The following DAB1 variants were observed in gnomAD, a reference collection of about 807,000 sequenced individuals.
The protein encoded by DAB1 is disabled homolog 1.
Under a neutral mutation model 64.6 loss-of-function variants are expected in DAB1, and 15 were observed. That is an observed-to-expected ratio of 0.23 (90% CI 0.16 to 0.36). The LOEUF is 0.36. Ranked by LOEUF, DAB1 falls within the 10% of genes least tolerant of loss-of-function variation. The probability of loss-of-function intolerance (pLI) is 1.00; values close to 1 mark genes in which losing one functional copy is unlikely to be tolerated. For missense variants in DAB1, 596 were observed against 706.7 expected, an observed-to-expected ratio of 0.84 and a Z score of 1.78; for synonymous variants, 235 against 251.9, an observed-to-expected ratio of 0.93 and a Z score of 0.64.
chr1:57,908,226 T>C (rs1459591233), intron 5 of DAB1, among the ~76,000 whole-genome samples: 1 of 152,118 alleles, frequency 6.6e-6, no homozygotes, highest in Non-Finnish European at 1.5e-5. Context: ...AGTGTATCTT[T>C]GAGTCCCCTG....
intron 1 of DAB1, among the ~76,000 whole-genome samples, chr1:57,857,697 A>C (rs1457608475): frequency 1.3e-5 from 2 of 152,172 alleles, no homozygotes; most frequent in African/African-American, 4.8e-5. Flanking sequence ...TCTACTATTT[A>C]CTAAGTACTA....
intron 6 of DAB1, among the ~76,000 whole-genome samples, chr1:57,655,701 G>C (rs970655063): frequency 1.3e-5 from 2 of 152,172 alleles, no homozygotes; most frequent in African/African-American, 2.4e-5. Flanking sequence ...AGGGGATCTG[G>C]CACACGTTAG....
intron 3 of DAB1, among the ~76,000 whole-genome samples, chr1:58,351,965 T>A (rs1338763827): frequency 6.7e-6 from 1 of 150,218 alleles, no homozygotes; most frequent in Non-Finnish European, 1.5e-5. Context: ...AGGGCCAGAG[T>A]GAAATGACTG....
intron 3 of DAB1, among the ~76,000 whole-genome samples, chr1:58,431,905 G>A (rs138307683): frequency 2.8e-4 from 42 of 152,294 alleles, no homozygotes; most frequent in Middle Eastern, 6.8e-3. Context: ...AGAGGAAAGC[G>A]TGACCACTTT....
Position 58,417,578 on chromosome 1 carries a change from A to C in DAB1, n.258-74175T>G, listed in dbSNP as rs72914383. Among the ~76,000 whole-genome samples the C allele has an allele frequency of 8.3e-3, 1,268 of 152,330 alleles. 20 individuals carry two copies. Among genetic ancestry groups the C allele is most frequent in the African/African-American group, 0.029 (1,213 of 41,576 alleles). The stretch of plus-strand genomic sequence containing the variant: ...TCCTCCTGTTGTCCCTCCAGCCCTA[A>C]GGAAAGTAGCAGCTACCTGCTTTTG... On this transcript the variant is annotated intron_variant and non_coding_transcript_variant, in intron 3 of 20. Coordinates refer to the DAB1 transcript ENST00000485760.
At chr1:58,074,568 A>G (rs1434038916) in intron 5 of DAB1, 536 of 31,102 alleles carry the variant, frequency 0.017, 13 homozygotes, top group African/African-American at 0.037. Context: ...ATGTGTGTAT[A>G]TATATATATA....
intron 2 of DAB1, among the ~76,000 whole-genome samples, chr1:57,186,651 A>G (rs1264720886): frequency 6.6e-6 from 1 of 152,244 alleles, no homozygotes; most frequent in African/African-American, 2.4e-5. Flanking sequence ...CCTGAAATGC[A>G]CGCGTCAGCA....
intron 7 of DAB1, among the ~76,000 whole-genome samples, chr1:57,604,482 G>A (rs1353733152): frequency 6.6e-6 from 1 of 151,892 alleles, no homozygotes; most frequent in Admixed American, 6.6e-5. Flanking sequence ...ACAGTTTCCT[G>A]GTTAGTTCCC....
At chr1:57,815,942 G>A (rs1569767198) in intron 6 of DAB1, among the ~76,000 whole-genome samples, 1 of 152,184 alleles carries the variant, frequency 6.6e-6, no homozygotes. Context: ...CATAGTAGCT[G>A]TTCAATAAAT....
At chr1:57,026,694 A>G (rs186851728) in intron 9 of DAB1, among the ~76,000 whole-genome samples, 1 of 152,288 alleles carries the variant, frequency 6.6e-6, no homozygotes, top group East Asian at 1.9e-4. Flanking sequence ...TTCATTTAAT[A>G]CCAGGAAAGG....
chr1:57,795,252 TA>T (rs148845054), intron 6 of DAB1, among the ~76,000 whole-genome samples: 2,790 of 152,198 alleles, frequency 0.018, 31 homozygotes, highest in African/African-American at 0.033. Context: ...TCAAAGCATC[TA>T]AAAAAAATTG....
intron 2 of DAB1, among the ~76,000 whole-genome samples, chr1:57,189,857 A>C (rs949168188): frequency 6.6e-6 from 1 of 151,854 alleles, no homozygotes; most frequent in African/African-American, 2.4e-5. Context: ...AAAAAAAAAA[A>C]AAACACAACA....
intron 5 of DAB1, among the ~76,000 whole-genome samples, chr1:58,005,595 C>A (rs189587754): frequency 7.6e-6 from 1 of 130,924 alleles, no homozygotes; most frequent in Admixed American, 8.2e-5. Flanking sequence ...GGGCTCTGTG[C>A]GCCTGCCTTG....
intron 1 of DAB1, among the ~76,000 whole-genome samples, chr1:57,351,811 T>C (rs1678611496): frequency 1.3e-5 from 2 of 152,094 alleles, no homozygotes; most frequent in South Asian, 4.1e-4. Context: ...CCCAGTCTCC[T>C]GACAATGAAT....
intron 1 of DAB1, among the ~76,000 whole-genome samples, chr1:57,298,750 T>G (rs903815855): frequency 6.6e-6 from 1 of 151,886 alleles, no homozygotes; most frequent in East Asian, 1.9e-4. Context: ...CACAAAAAAT[T>G]AGAAATGAAG....
At chr1:57,638,210 A>G (rs1646081957) in intron 7 of DAB1, among the ~76,000 whole-genome samples, 1 of 152,258 alleles carries the variant, frequency 6.6e-6, no homozygotes, top group Non-Finnish European at 1.5e-5. Flanking sequence ...ATTAAAATTC[A>G]TGAATACATA....
intron 7 of DAB1, among the ~76,000 whole-genome samples, chr1:57,431,729 A>G (rs1055967577): frequency 1.3e-5 from 2 of 152,222 alleles, no homozygotes; most frequent in African/African-American, 4.8e-5. Context: ...TGATTGTCAA[A>G]GGACTCTTAC....
chr1:57,369,927 G>T (rs1680363997), intron 1 of DAB1, among the ~76,000 whole-genome samples: 5 of 152,260 alleles, frequency 3.3e-5, no homozygotes, highest in Non-Finnish European at 4.4e-5. Flanking sequence ...CACGTTGTTG[G>T]GTCTTAAATC....
chr1:57,847,356 T>C (rs1182410902), intron 1 of DAB1, among the ~76,000 whole-genome samples: 1 of 149,840 alleles, frequency 6.7e-6, no homozygotes, highest in Non-Finnish European at 1.5e-5. Context: ...CAAGAAAGCA[T>C]AAAGAAGAGA....
Sources: allele counts gnomAD v4.1 joint callset (sites outside exome capture counted in the v4.1 genomes callset), GRCh38; gene constraint gnomAD v4.1.1; transcripts MANE v1.5; gene names NCBI Gene and HGNC (gene_info 2026-07-23, HGNC 2026-07-21).